Variants in COL23A1 observed in about 807,000 individuals in gnomAD.
COL23A1 encodes collagen alpha-1(XXIII) chain.
A neutral mutation model predicts 99.3 loss-of-function variants in COL23A1; 97 were observed. That is an observed-to-expected ratio of 0.98 (90% CI 0.83 to 1.16). COL23A1 has a LOEUF of 1.16. COL23A1 is among the 50% of genes most tolerant of loss of function. The pLI is 0.00. For synonymous variants in COL23A1, 320 were observed against 308.2 expected (o/e 1.04, Z -0.40); for missense variants, 762 against 757.4 (o/e 1.01, Z -0.07).
chr5:178,263,317 T>G lies in COL23A1; in HGVS notation c.530A>C (p.Gln177Pro). 1 of 1,592,724 alleles carries G rather than the reference T, an allele frequency of 6.3e-7. No individual in the cohort carries two copies. The highest frequency in any genetic ancestry group is 8.5e-7 in the Non-Finnish European group (1 of 1,170,990). Residue 177 changes from glutamine to proline, a missense_variant, in exon 9 of 29, where the codon CAA becomes CCA. Coordinates refer to ENST00000390654, the MANE Select transcript of COL23A1 (RefSeq NM_173465.4). ...AGGCCCAGCAGCTCCATCTTGTCCTTGGTCTCCCTGAAAGAGATGGGGCTT... is the reference window on the plus strand; with the variant it reads ...AGGCCCAGCAGCTCCATCTTGTCCTGGGTCTCCCTGAAAGAGATGGGGCTT... ...APGDFGPRGD[Q>P]GQDGAAGPPG... is the part of the protein sequence containing the mutation.
At chr5:178,548,481 C>T (rs1761831351) in intron 2 of COL23A1, among the ~76,000 whole-genome samples, 1 of 152,072 alleles carries the variant, frequency 6.6e-6, no homozygotes, top group Non-Finnish European at 1.5e-5. Context: ...CTCCCTTGCT[C>T]CCCCTCACTC....
chr5:178,444,653 A>T (rs1767060327), intron 2 of COL23A1, among the ~76,000 whole-genome samples: 2 of 152,080 alleles, frequency 1.3e-5, no homozygotes, highest in Non-Finnish European at 2.9e-5. Context: ...AAAATTAGCC[A>T]GGTGTGGTGG....
chr5:178,411,633 G>A (rs934982138), intron 2 of COL23A1, among the ~76,000 whole-genome samples: 1 of 152,198 alleles, frequency 6.6e-6, no homozygotes, highest in African/African-American at 2.4e-5. Flanking sequence ...GGGAGGAGGG[G>A]GAAATGGGGG....
intron 2 of COL23A1, among the ~76,000 whole-genome samples, chr5:178,433,778 C>A (rs576703057): frequency 2.0e-5 from 3 of 152,330 alleles, no homozygotes; most frequent in African/African-American, 7.2e-5. Context: ...AATTGTGCCC[C>A]CTTAAATTCA....
At chr5:178,386,586 G>A (rs981126166) in intron 2 of COL23A1, among the ~76,000 whole-genome samples, 4 of 151,358 alleles carry the variant, frequency 2.6e-5, no homozygotes, top group Middle Eastern at 3.4e-3. Context: ...GTCACCAGAG[G>A]GGGGTCGGGG....
intron 2 of COL23A1, among the ~76,000 whole-genome samples, chr5:178,351,424 C>G (rs62389376): frequency 0.13 from 20,280 of 152,230 alleles, 1,432 homozygotes; most frequent in South Asian, 0.23. Context: ...TGCTGGGGAC[C>G]TGTCTCAGCA....
chr5:178,586,332 G>C (rs1764005428), intron 1 of COL23A1, among the ~76,000 whole-genome samples: 1 of 152,226 alleles, frequency 6.6e-6, no homozygotes, highest in South Asian at 2.1e-4. Context: ...GGCAGTGGAA[G>C]AGGTTGGATG....
chr5:178,499,841 A>G (rs1323139394), intron 2 of COL23A1, among the ~76,000 whole-genome samples: 1 of 152,276 alleles, frequency 6.6e-6, no homozygotes, highest in Non-Finnish European at 1.5e-5. Flanking sequence ...AAATTGTGTT[A>G]GAGACATGCA....
At chr5:178,263,066 G>A (rs1765720092) in intron 9 of COL23A1, 142 bp downstream of exon 9, 1 of 748,690 alleles carries the variant, frequency 1.3e-6, no homozygotes, top group Admixed American at 1.9e-5. Context: ...TTAAGTTTGG[G>A]CCCAGGTTCA....
chr5:178,324,639 AG>A (rs1240821196), intron 2 of COL23A1, among the ~76,000 whole-genome samples: 2 of 152,184 alleles, frequency 1.3e-5, no homozygotes, highest in African/African-American at 4.8e-5. Flanking sequence ...CACTGGCCCG[AG>A]GCCACACACA....
intron 1 of COL23A1, among the ~76,000 whole-genome samples, chr5:178,568,274 C>T (rs1013918326): frequency 2.0e-5 from 3 of 151,808 alleles, no homozygotes; most frequent in African/African-American, 2.4e-5. Flanking sequence ...TCAAATGCAA[C>T]GTGTGTCCTA....
At chr5:178,320,545 A>G (rs1171535852) in intron 2 of COL23A1, among the ~76,000 whole-genome samples, 1 of 152,190 alleles carries the variant, frequency 6.6e-6, no homozygotes, top group Non-Finnish European at 1.5e-5. Context: ...CCAGCTGTGC[A>G]GTTTGCAGAC....
intron 2 of COL23A1, among the ~76,000 whole-genome samples, chr5:178,419,616 C>G (rs4544835): frequency 0.57 from 87,374 of 152,054 alleles, 26,199 homozygotes; most frequent in African/African-American, 0.75. Flanking sequence ...CTAATGTCGG[C>G]GTGTGGGGTT....
intron 2 of COL23A1, among the ~76,000 whole-genome samples, chr5:178,459,259 TG>T (rs1017450968): frequency 2.8e-4 from 43 of 152,314 alleles, no homozygotes; most frequent in Middle Eastern, 3.4e-3. Flanking sequence ...AAAATGCCTT[TG>T]ACTTTTAAAT....
chr5:178,449,436 C>T (rs541391568), intron 2 of COL23A1, among the ~76,000 whole-genome samples: 23 of 152,302 alleles, frequency 1.5e-4, no homozygotes, highest in African/African-American at 3.1e-4. Flanking sequence ...CGCTACAAAC[C>T]GAGAGGTTTC....
chr5:178,450,653 G>A (rs981736827), intron 2 of COL23A1, among the ~76,000 whole-genome samples: 1 of 152,220 alleles, frequency 6.6e-6, no homozygotes, highest in Admixed American at 6.5e-5. Flanking sequence ...CACACCATGG[G>A]TGGCTGAAAT....
intron 2 of COL23A1, among the ~76,000 whole-genome samples, chr5:178,382,491 G>C (rs1012899467): frequency 3.3e-5 from 5 of 152,308 alleles, no homozygotes; most frequent in Middle Eastern, 6.8e-3. Flanking sequence ...GCAGGGGACA[G>C]GGAGAGACCT....
chr5:178,284,049 C>T lies in COL23A1; in HGVS notation c.441+4275G>A, dbSNP rs73342856. Among the ~76,000 whole-genome samples, 750 of 152,310 alleles carry T rather than the reference C, an allele frequency of 4.9e-3. 11 individuals are homozygous for T. The highest frequency in any genetic ancestry group is 0.017 in the African/African-American group (717 of 41,558). ...TCTGAGATGGGCAAATCACTTTATC[C>T]ACATAAATACTGATTACTACCCCAA... On this transcript the variant is annotated intron_variant, in intron 5 of 28. Coordinates refer to ENST00000390654, the MANE Select transcript of COL23A1 (RefSeq NM_173465.4).
chr5:178,442,753 C>A (rs1766944830), intron 2 of COL23A1, among the ~76,000 whole-genome samples: 1 of 152,232 alleles, frequency 6.6e-6, no homozygotes, highest in Non-Finnish European at 1.5e-5. Flanking sequence ...GGCGCCAAGA[C>A]CTGACCTGCT....
Sources: allele counts gnomAD v4.1 joint callset (sites outside exome capture counted in the v4.1 genomes callset), GRCh38; gene constraint gnomAD v4.1.1; transcripts MANE v1.5; gene names NCBI Gene and HGNC (gene_info 2026-07-23, HGNC 2026-07-21).